ACOXL: variants seen among roughly 807,000 people sequenced by gnomAD.
The protein encoded by ACOXL is acyl-coenzyme A oxidase-like protein.
ACOXL carries 70 observed loss-of-function variants against 71.9 expected under a neutral mutation model. The observed-to-expected ratio is 0.97, with a 90% CI of 0.80 to 1.19. ACOXL has a LOEUF of 1.19. Among genes scored for constraint, ACOXL ranks in the 50% most tolerant of loss-of-function variants. The pLI, the probability that ACOXL is intolerant of heterozygous loss-of-function variation, is 0.00. For missense variants in ACOXL, 703 were observed against 736.3 expected (o/e 0.95, Z 0.52); for synonymous variants, 253 against 281.6 (o/e 0.90, Z 1.02).
At chr2:110,840,214 C>A (rs1308632366) in intron 9 of ACOXL, among the ~76,000 whole-genome samples, 1 of 152,168 alleles carries the variant, frequency 6.6e-6, no homozygotes, top group Non-Finnish European at 1.5e-5. Context: ...TGGTCTTGAT[C>A]TCCTGACCTC....
At chr2:111,063,116 T>C (rs2066898937) in intron 16 of ACOXL, among the ~76,000 whole-genome samples, 1 of 152,162 alleles carries the variant, frequency 6.6e-6, no homozygotes, top group South Asian at 2.1e-4. Flanking sequence ...GATAACCTTA[T>C]AACTATTGAG....
In ACOXL at chr2:110,904,804, G is replaced by A. The variant is rs114270093; in HGVS notation, c.789-3985G>A. On this transcript the variant is annotated intron_variant, in intron 10 of 17. Coordinates refer to ENST00000439055, the MANE Select transcript of ACOXL (RefSeq NM_001142807.4). ...AGCAGGTTTAAGACTGGCTAGTATG[G>A]ATAACTTCAGAAGGCTCTGAGGCAT... Among the ~76,000 whole-genome samples the A allele has an allele frequency of 5.8e-3, 887 of 152,292 alleles. 6 individuals carry two copies. The highest frequency in any genetic ancestry group is 6.7e-3 in the Non-Finnish European group (455 of 68,024).
chr2:111,033,638 C>G (rs1331370788), intron 15 of ACOXL, among the ~76,000 whole-genome samples: 1 of 152,188 alleles, frequency 6.6e-6, no homozygotes, highest in Non-Finnish European at 1.5e-5. Flanking sequence ...TTATGTAAAC[C>G]ACCCTTCTTC....
intron 1 of ACOXL, among the ~76,000 whole-genome samples, chr2:110,754,244 T>A (rs921372800): frequency 6.6e-6 from 1 of 151,956 alleles, no homozygotes. Context: ...GGGCCATTTT[T>A]AAATTTTTTG....
chr2:110,896,901 C>T (rs1380538796), intron 10 of ACOXL, among the ~76,000 whole-genome samples: 1 of 152,076 alleles, frequency 6.6e-6, no homozygotes, highest in Non-Finnish European at 1.5e-5. Context: ...TTATAGAACA[C>T]TTCGTCCACC....
chr2:110,839,768 T>G (rs1690906072), intron 9 of ACOXL, among the ~76,000 whole-genome samples: 1 of 152,134 alleles, frequency 6.6e-6, no homozygotes, highest in Admixed American at 6.5e-5. Context: ...TCTCTTCTCA[T>G]AGCTCTCCCT....
intron 8 of ACOXL, among the ~76,000 whole-genome samples, chr2:110,803,830 C>A (rs1686290668): frequency 6.6e-6 from 1 of 152,036 alleles, no homozygotes; most frequent in Non-Finnish European, 1.5e-5. Flanking sequence ...AATAAAAAGA[C>A]AACCCAATTT....
At chr2:110,775,333 T>G (rs1403781449) in intron 2 of ACOXL, among the ~76,000 whole-genome samples, 2 of 152,170 alleles carry the variant, frequency 1.3e-5, no homozygotes, top group Non-Finnish European at 2.9e-5. Context: ...ATAAAAATGA[T>G]CTAATTATTA....
intron 9 of ACOXL, among the ~76,000 whole-genome samples, chr2:110,825,121 G>C (rs1018301260): frequency 1.3e-5 from 2 of 152,170 alleles, no homozygotes. Context: ...GATTCATCCA[G>C]AGTTCATGCA....
At chr2:110,993,315 C>G (rs1467181553) in intron 13 of ACOXL, among the ~76,000 whole-genome samples, 1 of 152,216 alleles carries the variant, frequency 6.6e-6, no homozygotes, top group East Asian at 1.9e-4. Context: ...TACGCAGATA[C>G]AGCCACTCTT....
chr2:111,009,791 T>C (rs2064057525), intron 14 of ACOXL, among the ~76,000 whole-genome samples: 1 of 152,156 alleles, frequency 6.6e-6, no homozygotes, highest in Admixed American at 6.5e-5. Context: ...TTAGTCTGAA[T>C]CCTGCCAAGT....
intron 14 of ACOXL, among the ~76,000 whole-genome samples, chr2:111,020,955 C>T (rs1448311683): frequency 6.6e-6 from 1 of 152,190 alleles, no homozygotes; most frequent in African/African-American, 2.4e-5. Context: ...GGTTGCTGGA[C>T]CCATTCATAG....
chr2:110,929,520 A>G (rs959839597), intron 11 of ACOXL, among the ~76,000 whole-genome samples: 15 of 152,196 alleles, frequency 9.9e-5, no homozygotes, highest in African/African-American at 2.9e-4. Flanking sequence ...GAAAAGAAAA[A>G]CCCATTTTCT....
chr2:110,890,492 G>T (rs115351270), intron 10 of ACOXL, among the ~76,000 whole-genome samples: 2 of 152,154 alleles, frequency 1.3e-5, no homozygotes, highest in Non-Finnish European at 2.9e-5. Flanking sequence ...TTTGTGTATG[G>T]TGTGAGGAAG....
chr2:110,933,828 G>A (rs909703077), intron 12 of ACOXL, among the ~76,000 whole-genome samples, 186 bp downstream of exon 12: 8 of 152,224 alleles, frequency 5.3e-5, no homozygotes, highest in African/African-American at 1.7e-4. Flanking sequence ...TGCCAGGACT[G>A]ATAGAATACA....
chr2:111,103,852 T>C lies in ACOXL; in HGVS notation c.1542+10886T>C, dbSNP rs377592207. Among the ~76,000 whole-genome samples, 20 of 152,310 alleles carry C rather than the reference T, an allele frequency of 1.3e-4. No homozygotes were observed. The East Asian group carries it at 3.3e-3, about 25-fold the overall frequency. On this transcript the variant is annotated intron_variant, in intron 17 of 17. Transcript: ENST00000439055. ...ATGTCCCTTTACTTAGTTTCCCCCA[T>C]TGGCAACATCTTGTACAACTATAGC...
intron 3 of ACOXL, among the ~76,000 whole-genome samples, chr2:110,791,385 G>A (rs1335059171): frequency 6.6e-6 from 1 of 152,226 alleles, no homozygotes; most frequent in Non-Finnish European, 1.5e-5. Context: ...AAACCTAGAA[G>A]AGGAATTTAT....
intron 12 of ACOXL, among the ~76,000 whole-genome samples, chr2:110,955,778 C>G (rs1366861384): frequency 6.6e-6 from 1 of 152,074 alleles, no homozygotes; most frequent in Admixed American, 6.5e-5. Context: ...TCCTCCCATT[C>G]CCAGATTGGC....
rs117495044 is a variant in ACOXL, at chr2:111,002,013, C to T, written c.1281+6009C>T. On this transcript the variant is annotated intron_variant, in intron 14 of 17. Transcript: ENST00000439055. ...TCGTTGAAATTGTCTTAGTCTCTGT[C>T]TCTCTGTCTCTGTCTTTCTCTCTCT... 2.6e-3 allele frequency among the ~76,000 whole-genome samples: 394 copies of T among 152,156 alleles called. 9 individuals are homozygous for T. The East Asian group carries it at 0.049, about 19-fold the overall frequency.
Sources: gnomAD v4.1 joint callset for allele counts (sites outside exome capture counted in the v4.1 genomes callset) on GRCh38, gnomAD v4.1.1 for gene constraint, MANE v1.5 for transcripts, NCBI Gene and HGNC (gene_info 2026-07-23, HGNC 2026-07-21) for gene names.